Variants in ZBTB48 observed in about 807,000 individuals in gnomAD.
ZBTB48 encodes zinc finger and BTB domain containing 48.
Under a neutral mutation model 64.5 loss-of-function variants are expected in ZBTB48, and 35 were observed. The ratio of observed to expected loss-of-function variants is 0.54; its 90% confidence interval spans 0.41 to 0.72. ZBTB48 has a LOEUF of 0.72. Ranked by LOEUF, ZBTB48 falls within the 30% of genes least tolerant of loss-of-function variation. The pLI is 0.00. For missense variants in ZBTB48, 828 were observed against 895.3 expected, an observed-to-expected ratio of 0.92 and a Z score of 0.96; for synonymous variants, 442 against 356.7, an observed-to-expected ratio of 1.24 and a Z score of -2.70.
chr1:6,587,753 A>C, intron 7 of ZBTB48, 121 bp downstream of exon 7: 1 of 1,464,930 alleles, frequency 6.8e-7, no homozygotes, highest in Non-Finnish European at 9.1e-7. Flanking sequence ...CTCCACCCTG[A>C]ATCTAGTGCC....
At position 6,580,572 on chromosome 1, in the gene ZBTB48, G is replaced by A; in HGVS notation, c.-38G>A. On this transcript the variant is annotated 5_prime_UTR_variant, in exon 2 of 11. Coordinates refer to ENST00000377674, the MANE Select transcript of ZBTB48 (RefSeq NM_005341.4). The surrounding 1 kb of genome is among the most constrained non-coding windows in gnomAD (Gnocchi z 5.2). ...TCTCTTGCATACCCTCGCTTAGGCT[G>A]GCCGGGGTGTCACTTCTGCCTCCCT... 1 of 1,583,018 alleles carries A rather than the reference G, an allele frequency of 6.3e-7. No homozygotes were observed. Among genetic ancestry groups the A allele is most frequent in the Non-Finnish European group, 8.6e-7 (1 of 1,161,850 alleles).
chr1:6,588,208 C>T lies in ZBTB48; in HGVS notation c.1516+12C>T. 2 of 1,613,886 alleles carry T rather than the reference C, an allele frequency of 1.2e-6. No individual in the cohort carries two copies. The highest frequency in any genetic ancestry group is 8.5e-7 in the Non-Finnish European group (1 of 1,179,944). On this transcript the variant is annotated intron_variant, in intron 8 of 10. Coordinates refer to ENST00000377674, the MANE Select transcript of ZBTB48 (RefSeq NM_005341.4). ...CTTCCGAACCCAAGGTGAGGTACGC[C>T]CTGCCCCTCCCCTCGCCTCCCCATC...
chr1:6,583,137 C>T (rs1182314812), intron 3 of ZBTB48, among the ~76,000 whole-genome samples: 1 of 151,946 alleles, frequency 6.6e-6, no homozygotes, highest in African/African-American at 2.4e-5. Flanking sequence ...ATTACAGGCA[C>T]ATGCCACCAC....
intron 2 of ZBTB48, 23 bp from the exon 3 acceptor site, chr1:6,582,032 CCCT>C: frequency 6.2e-7 from 1 of 1,606,430 alleles, no homozygotes; most frequent in Non-Finnish European, 8.5e-7. Context: ...TGACGCCACC[CCCT>C]CCTGCTGCCT....
intron 7 of ZBTB48, 97 bp from the exon 8 acceptor site, chr1:6,587,963 C>A: frequency 6.5e-7 from 1 of 1,527,922 alleles, no homozygotes; most frequent in Non-Finnish European, 8.9e-7. Context: ...TAGCACTGCC[C>A]AAGCCCTCTT....
chr1:6,585,722 G>C, intron 3 of ZBTB48, 197 bp from the exon 4 acceptor site: 1 of 595,188 alleles, frequency 1.7e-6, no homozygotes, highest in Non-Finnish European at 3.0e-6. Context: ...TAGGACCTGT[G>C]TGAGCTTCTT....
rs1382045811 is a variant in ZBTB48, at chr1:6,582,117, G to A, written c.750G>A (p.Glu250=). Residue 250 remains glutamate, a synonymous_variant, in exon 3 of 11, where the codon GAG becomes GAA. Coordinates refer to ENST00000377674, the MANE Select transcript of ZBTB48 (RefSeq NM_005341.4). ...DGDGDYMSEP[E]AVLTRRKSNV... is the part of the protein sequence containing the mutation. Reference sequence around the variant, plus strand: ...ATGGCGATTACATGTCTGAGCCTGAGGCTGTGCTGACCAGGAGGAAGTCAA... The same window carrying A: ...ATGGCGATTACATGTCTGAGCCTGAAGCTGTGCTGACCAGGAGGAAGTCAA... The A allele has an allele frequency of 1.2e-6, 2 of 1,614,190 alleles. No individual in the cohort carries two copies. Among genetic ancestry groups the A allele is most frequent in the African/African-American group, 1.3e-5 (1 of 75,048 alleles).
intron 3 of ZBTB48, among the ~76,000 whole-genome samples, chr1:6,583,330 C>T (rs1054561287): frequency 6.6e-6 from 1 of 151,790 alleles, no homozygotes; most frequent in Non-Finnish European, 1.5e-5. Flanking sequence ...GAGACGGAGT[C>T]TCACTCTGTT....
Position 6,589,058 on chromosome 1 carries a change from C to G in ZBTB48, c.1913C>G (p.Ser638Trp). 6.2e-7 allele frequency: 1 copy of G among 1,603,478 alleles called. No individual in the cohort carries two copies. The highest frequency in any genetic ancestry group is 1.1e-5 in the South Asian group (1 of 89,962). Residue 638 changes from serine to tryptophan, a missense_variant, in exon 11 of 11, where the codon TCG (serine) becomes TGG (tryptophan). Transcript: ENST00000377674. ...LQPPAELEVG[S>W]AEVIVESLAQ... ...CCGCCTGCAGAGCTGGAGGTGGGCT[C>G]GGCGGAGGTCATTGTGGAGTCCCTG...
At position 6,587,300 on chromosome 1, in the gene ZBTB48, CA is replaced by C; in HGVS notation, c.1224+10del. 1 of 1,614,060 alleles carries C rather than the reference CA, an allele frequency of 6.2e-7. No homozygotes were observed. Among genetic ancestry groups the C allele is most frequent in the Non-Finnish European group, 8.5e-7 (1 of 1,180,020 alleles). On this transcript the variant is annotated intron_variant, in intron 6 of 10. Transcript: ENST00000377674. Reference sequence around the variant, plus strand: ...CCCCCAAGCCCCATGCAGTAAGTGACAGGGAGGGCTGGGCATGCTTTGATGC... The same window carrying C: ...CCCCCAAGCCCCATGCAGTAAGTGACGGGAGGGCTGGGCATGCTTTGATGC...
intron 9 of ZBTB48, 71 bp downstream of exon 9, chr1:6,588,513 C>T (rs1254647766): frequency 2.3e-5 from 34 of 1,452,638 alleles, no homozygotes; most frequent in Middle Eastern, 2.4e-4. Flanking sequence ...AGGAAACGCT[C>T]CTTTCTTGCC....
At chr1:6,588,703 T>C in intron 9 of ZBTB48, 53 bp from the exon 10 acceptor site, 1 of 1,612,088 alleles carries the variant, frequency 6.2e-7, no homozygotes. Flanking sequence ...CTGGGTTTCC[T>C]CGAGGGTCCC....
At chr1:6,583,030 C>G (rs1044435505) in intron 3 of ZBTB48, among the ~76,000 whole-genome samples, 1 of 151,740 alleles carries the variant, frequency 6.6e-6, no homozygotes, top group Non-Finnish European at 1.5e-5. Flanking sequence ...CTTGCTCTGT[C>G]ACCAGGCTAG....
chr1:6,585,167 A>C (rs1444548423), intron 3 of ZBTB48: 1 of 152,352 alleles, frequency 6.6e-6, no homozygotes, highest in Non-Finnish European at 1.5e-5. Flanking sequence ...ATTTAAGCAA[A>C]GACTCAAAGG....
At position 6,588,162 on chromosome 1, in the gene ZBTB48, G is replaced by A. The variant is rs952700699; in HGVS notation, c.1482G>A (p.Gln494=). 4 of 1,614,134 alleles carry A rather than the reference G, an allele frequency of 2.5e-6. No individual in the cohort carries two copies. Among genetic ancestry groups the A allele is most frequent in the East Asian group, 2.2e-5 (1 of 44,890 alleles). Residue 494 remains glutamine, a synonymous_variant, in exon 8 of 11, where the codon CAG becomes CAA. Coordinates refer to ENST00000377674, the MANE Select transcript of ZBTB48 (RefSeq NM_005341.4). Reference sequence around the variant, plus strand: ...CACACACGGGTGAGAAGCCCTTCCAGTGCCACCTCTGTGGCAAGACCTTCC... The same window carrying A: ...CACACACGGGTGAGAAGCCCTTCCAATGCCACCTCTGTGGCAAGACCTTCC... The part of the protein sequence containing the change: ...LRTHTGEKPF[Q]CHLCGKTFRT...
At position 6,581,200 on chromosome 1, in the gene ZBTB48, G is replaced by A. The variant is rs1193301376; in HGVS notation, c.591G>A (p.Leu197=). The A allele has an allele frequency of 6.2e-7, 1 of 1,613,262 alleles. No individual in the cohort carries two copies. Among genetic ancestry groups the A allele is most frequent in the Non-Finnish European group, 8.5e-7 (1 of 1,180,018 alleles). Residue 197 remains leucine, a synonymous_variant, in exon 2 of 11, where the codon TTG becomes TTA. Transcript: ENST00000377674. ...TCTGTGGGAAACTGAAGCAGGCCTTGAAGCCTTGTCCCCTTGAGGACAAGA... is the reference window on the plus strand; with the variant it reads ...TCTGTGGGAAACTGAAGCAGGCCTTAAAGCCTTGTCCCCTTGAGGACAAGA... ...SSLCGKLKQA[L]KPCPLEDKKP...
rs1223773742 is a variant in ZBTB48, at chr1:6,584,989, G to A, written c.933-930G>A. 1.3e-5 allele frequency among the ~76,000 whole-genome samples: 2 copies of A among 152,142 alleles called. No individual in the cohort carries two copies. The highest frequency in any genetic ancestry group is 2.9e-5 in the Non-Finnish European group (2 of 68,032). On this transcript the variant is annotated intron_variant, in intron 3 of 10. Coordinates refer to ENST00000377674, the MANE Select transcript of ZBTB48 (RefSeq NM_005341.4). The surrounding 1 kb of genome is among the most constrained non-coding windows in gnomAD (Gnocchi z 4.5). ...AGGTGCTTGTGCAGCCGACCTGCTTGCCAGGCAATGCAGATAACAGATAAG... is the reference window on the plus strand; with the variant it reads ...AGGTGCTTGTGCAGCCGACCTGCTTACCAGGCAATGCAGATAACAGATAAG...
rs533142706 is a variant in ZBTB48 at position 6,584,535 on chromosome 1, C to G, written c.933-1384C>G. On this transcript the variant is annotated intron_variant, in intron 3 of 10. Transcript: ENST00000377674. The surrounding 1 kb of genome is among the most constrained non-coding windows in gnomAD (Gnocchi z 4.5). ...CACTAGTAATCACCTAGAATGGGAGCCAGGGGGAAACCCGTTCGCTGTCCC... is the reference window on the plus strand; with the variant it reads ...CACTAGTAATCACCTAGAATGGGAGGCAGGGGGAAACCCGTTCGCTGTCCC... Among the ~76,000 whole-genome samples, 3 of 152,244 alleles carry G rather than the reference C, an allele frequency of 2.0e-5. No individual in the cohort carries two copies. The highest frequency in any genetic ancestry group is 4.1e-4 in the South Asian group (2 of 4,834).
Position 6,581,920 on chromosome 1 carries a change from C to T in ZBTB48, c.691-138C>T, listed in dbSNP as rs1256199179. On this transcript the variant is annotated intron_variant, in intron 2 of 10. Coordinates refer to ENST00000377674, the MANE Select transcript of ZBTB48 (RefSeq NM_005341.4). Reference sequence around the variant, plus strand: ...TGAATCCAAGATTCAGATGCTCTGCCTTGGGCCCCTGAAGGAACTTGTCTG... The same window carrying T: ...TGAATCCAAGATTCAGATGCTCTGCTTTGGGCCCCTGAAGGAACTTGTCTG... 5 of 1,311,882 alleles carry T rather than the reference C, an allele frequency of 3.8e-6. No homozygotes were observed. In the African/African-American group the frequency reaches 7.4e-5, roughly 19 times the overall value. The allele number at this position is 1,311,882 out of a possible 1,614,324, so 81.3% of individuals were successfully genotyped here.
Sources: allele counts gnomAD v4.1 joint callset (sites outside exome capture counted in the v4.1 genomes callset), GRCh38; gene constraint gnomAD v4.1.1; non-coding constraint Gnocchi (gnomAD v3.1); transcripts MANE v1.5; gene names NCBI Gene and HGNC (gene_info 2026-07-23, HGNC 2026-07-21).